Variants in FBXL13 observed in about 807,000 individuals in gnomAD.
FBXL13 encodes the protein F-box and leucine-rich repeat protein 13.
FBXL13 carries 67 observed loss-of-function variants against 83.6 expected under a neutral mutation model. The ratio of observed to expected loss-of-function variants is 0.80; its 90% CI spans 0.66 to 0.98. The LOEUF (loss-of-function observed/expected upper bound fraction) is 0.98. Among genes scored for constraint, FBXL13 ranks in the 50% least tolerant of loss-of-function variants. The pLI, the probability that FBXL13 is intolerant of heterozygous loss-of-function variation, is 0.00. For synonymous variants in FBXL13, 272 were observed against 299.5 expected, an observed-to-expected ratio of 0.91 and a Z score of 0.95; for missense variants, 822 against 866.5, an observed-to-expected ratio of 0.95 and a Z score of 0.64.
chr7:103,071,726 A>C (rs953940859), intron 1 of FBXL13, among the ~76,000 whole-genome samples: 3 of 152,094 alleles, frequency 2.0e-5, no homozygotes, highest in African/African-American at 7.2e-5. Flanking sequence ...TCTATTCAAG[A>C]GATTTGCAGG....
At chr7:102,845,913 T>C (rs545021909) in intron 17 of FBXL13, among the ~76,000 whole-genome samples, 1 of 152,266 alleles carries the variant, frequency 6.6e-6, no homozygotes, top group African/African-American at 2.4e-5. Flanking sequence ...TATCACAGCA[T>C]TATGACTAAA....
At chr7:102,827,282 G>A (rs1330348596) in intron 18 of FBXL13, 1 of 324,332 alleles carries the variant, frequency 3.1e-6, no homozygotes, top group Non-Finnish European at 6.9e-6. Context: ...GCTCTAAGGG[G>A]AGTCAAGAGA....
At chr7:103,046,432 G>A (rs1223732945) in intron 2 of FBXL13, among the ~76,000 whole-genome samples, 1 of 152,194 alleles carries the variant, frequency 6.6e-6, no homozygotes, top group Non-Finnish European at 1.5e-5. Flanking sequence ...TGTCCTTCTA[G>A]AAGAGTGAAG....
Position 102,854,651 on chromosome 7 carries a change from A to G in FBXL13, c.1719+126T>C, listed in dbSNP as rs908926230. 3 of 539,020 alleles carry G rather than the reference A, an allele frequency of 5.6e-6. No individual in the cohort carries two copies. The African/African-American group carries it at 5.9e-5, about 11-fold the overall frequency. The allele number at this position is 539,020 out of a possible 1,614,324, so 33.4% of individuals were successfully genotyped here. ...TTGTAGTTACTTAAGAACTAAAGGC[A>G]AAAGTGATTTATATTTTGCAATTCT... On this transcript the variant is annotated intron_variant, in intron 17 of 19. Transcript: ENST00000313221.
chr7:102,934,892 A>AAGGAGGTATCCTCAGGAGGGC (rs1819990556), intron 8 of FBXL13, among the ~76,000 whole-genome samples: 1 of 152,170 alleles, frequency 6.6e-6, no homozygotes, highest in Non-Finnish European at 1.5e-5. Context: ...GACAGGAGGG[A>AAGGAGGTATCCTCAGGAGGGC]AGGAGGTATC....
downstream of FBXL13, among the ~76,000 whole-genome samples, chr7:102,812,885 G>A (rs893309716): frequency 1.4e-5 from 2 of 140,584 alleles, no homozygotes; most frequent in African/African-American, 2.7e-5. Context: ...CTCTGTCGCC[G>A]AGGCTGGAAT....
chr7:102,927,309 G>T (rs1818324909), intron 9 of FBXL13, among the ~76,000 whole-genome samples: 1 of 152,194 alleles, frequency 6.6e-6, no homozygotes, highest in Admixed American at 6.5e-5. Context: ...CGCTACATCA[G>T]TCCCAGAAAG....
intron 8 of FBXL13, chr7:102,933,654 T>C (rs2129473539): frequency 3.9e-6 from 1 of 255,178 alleles, no homozygotes; most frequent in East Asian, 7.9e-5. Flanking sequence ...GAAGGAGCTT[T>C]CTACGTCACT....
rs578059195 is a variant in FBXL13, at chr7:102,822,076, C to T, written c.1982G>A (p.Arg661Gln). The change falls in exon 19 of 20, where the codon CGG becomes CAG. Residue 661 changes from arginine to glutamine, a missense_variant. By Grantham distance (43) the Arg-to-Gln change is conservative. Transcript: ENST00000313221. ...TGTGCAGTATTGCATCTTAAGGATC[C>T]GGAGTTGTTTGCAGCCTATCTGAAG... 4.6e-5 allele frequency: 74 copies of T among 1,614,156 alleles called. No individual in the cohort carries two copies. In the East Asian group the frequency reaches 7.8e-4, roughly 17 times the overall value.
chr7:102,843,186 G>A (rs1803271819), intron 17 of FBXL13, among the ~76,000 whole-genome samples: 2 of 152,210 alleles, frequency 1.3e-5, no homozygotes, highest in African/African-American at 2.4e-5. Flanking sequence ...GCTCACACCT[G>A]TAACCCCAAC....
At chr7:103,005,487 T>A (rs1196179568) in intron 6 of FBXL13, among the ~76,000 whole-genome samples, 1 of 151,966 alleles carries the variant, frequency 6.6e-6, no homozygotes, top group Non-Finnish European at 1.5e-5. Flanking sequence ...AAAAAAAAAA[T>A]ACCATAGACT....
At chr7:102,833,406 A>G (rs1033854024) in intron 17 of FBXL13, among the ~76,000 whole-genome samples, 1 of 150,940 alleles carries the variant, frequency 6.6e-6, no homozygotes, top group African/African-American at 2.4e-5. Flanking sequence ...CTTAAATCTT[A>G]GCAAGTTACT....
intron 17 of FBXL13, among the ~76,000 whole-genome samples, chr7:102,837,105 T>C (rs575252812): frequency 6.6e-6 from 1 of 152,380 alleles, no homozygotes; most frequent in East Asian, 1.9e-4. Context: ...CTTGGGCATA[T>C]CCCAAGATAT....
chr7:102,811,439 AC>A (rs1209974740), downstream of FBXL13, among the ~76,000 whole-genome samples: 1 of 152,170 alleles, frequency 6.6e-6, no homozygotes, highest in African/African-American at 2.4e-5. Flanking sequence ...TTCATAGCTC[AC>A]TTTTTCTACT....
chr7:102,908,350 A>C (rs984449537), intron 11 of FBXL13, among the ~76,000 whole-genome samples: 1 of 152,234 alleles, frequency 6.6e-6, no homozygotes, highest in African/African-American at 2.4e-5. Flanking sequence ...TCCTCAACAT[A>C]GCTATTTTGA....
intron 16 of FBXL13, among the ~76,000 whole-genome samples, chr7:102,876,757 C>T (rs1809329166): frequency 1.3e-5 from 2 of 152,020 alleles, no homozygotes; most frequent in African/African-American, 4.8e-5. Context: ...AGGAGGGATC[C>T]TTACCTCCCT....
chr7:102,824,549 A>G (rs564953410), intron 18 of FBXL13, among the ~76,000 whole-genome samples: 3 of 151,920 alleles, frequency 2.0e-5, no homozygotes, highest in East Asian at 3.9e-4. Context: ...GTAGTGGCAC[A>G]ATCTCGGCTC....
intron 6 of FBXL13, among the ~76,000 whole-genome samples, chr7:103,016,499 A>G (rs1205680375): frequency 6.6e-6 from 1 of 151,974 alleles, no homozygotes; most frequent in African/African-American, 2.4e-5. Flanking sequence ...GGTGCAGCCC[A>G]CCGAGCGAGA....
intron 8 of FBXL13, among the ~76,000 whole-genome samples, chr7:102,957,757 T>C (rs1172292016): frequency 1.3e-5 from 2 of 152,004 alleles, no homozygotes; most frequent in African/African-American, 2.4e-5. Flanking sequence ...AAAGAAGATA[T>C]CTATGCAGCC....
Sources: gnomAD v4.1 joint callset for allele counts (sites outside exome capture counted in the v4.1 genomes callset) on GRCh38, gnomAD v4.1.1 for gene constraint, MANE v1.5 for transcripts, NCBI Gene and HGNC (gene_info 2026-07-23, HGNC 2026-07-21) for gene names.